SLC35A5: variants seen among roughly 807,000 people sequenced by gnomAD.
The protein encoded by SLC35A5 is solute carrier family 35 member A5, also known as UDP-sugar transporter protein SLC35A5.
SLC35A5 carries 28 observed loss-of-function variants against 36.3 expected under a neutral mutation model. The ratio of observed to expected loss-of-function variants is 0.77; its 90% CI spans 0.57 to 1.06. SLC35A5 has a LOEUF of 1.06. Among genes scored for constraint, SLC35A5 ranks in the 50% least tolerant of loss-of-function variants. The pLI, the probability that SLC35A5 is intolerant of heterozygous loss-of-function variation, is 0.00. For synonymous variants in SLC35A5, 180 were observed against 173.7 expected (o/e 1.04, Z -0.29); for missense variants, 521 against 499.3 (o/e 1.04, Z -0.41).
At position 112,563,378 on chromosome 3, in the gene SLC35A5, CTT is replaced by C; in HGVS notation, c.-19-5_-19-4del. The C allele has an allele frequency of 6.8e-7, 1 of 1,478,804 alleles. No homozygotes were observed. The allele number at this position is 1,478,804 out of a possible 1,614,324, so 91.6% of individuals were successfully genotyped here. On this transcript the variant is annotated splice_polypyrimidine_tract_variant and splice_region_variant and intron_variant, in intron 1 of 6. Coordinates refer to ENST00000492406, the MANE Select transcript of SLC35A5 (RefSeq NM_017945.5). ...AGGTCGTTCATGAAAGTGTTTTTCT[CTT>C]TAAGGTAATTAAAAAACAGTGGAAT...
Position 112,562,381 on chromosome 3 carries a change from A to T in SLC35A5, c.-20+108A>T, listed in dbSNP as rs1933956403. The T allele has an allele frequency of 1.3e-5, 2 of 152,282 alleles. 1 individual carries two copies. The highest frequency in any genetic ancestry group is 4.1e-4 in the South Asian group (2 of 4,832). 9.4% of individuals were successfully genotyped at this position (152,282 alleles called of 1,614,324 possible). On this transcript the variant is annotated intron_variant, in intron 1 of 6. Transcript: ENST00000492406. ...ACTAGAAGGGTAGTCCCTGACTGTG[A>T]AGGGAAATCTGGCCCCCTCCTGTCG...
chr3:112,569,725 G>A (rs1165399357), intron 3 of SLC35A5, among the ~76,000 whole-genome samples: 2 of 152,276 alleles, frequency 1.3e-5, no homozygotes, highest in East Asian at 3.9e-4. Context: ...CTATCACATA[G>A]GGATACTAAT....
At chr3:112,573,563 A>G (rs1559860125) in intron 4 of SLC35A5, among the ~76,000 whole-genome samples, 1 of 152,238 alleles carries the variant, frequency 6.6e-6, no homozygotes, top group Non-Finnish European at 1.5e-5. Context: ...AAAAATCCAT[A>G]AGGCGCTTTG....
intron 4 of SLC35A5, 67 bp from the exon 5 acceptor site, chr3:112,573,822 C>A: frequency 1.5e-6 from 2 of 1,352,400 alleles, no homozygotes; most frequent in South Asian, 1.2e-5. Flanking sequence ...GGTGAACTGC[C>A]AAGCTAAGAC....
intron 5 of SLC35A5, among the ~76,000 whole-genome samples, chr3:112,575,418 G>C (rs576108482): frequency 1.1e-4 from 16 of 152,148 alleles, no homozygotes; most frequent in African/African-American, 3.9e-4. Context: ...CCTATAATAA[G>C]TATTCCTTGT....
intron 5 of SLC35A5, among the ~76,000 whole-genome samples, chr3:112,579,342 T>G (rs1213399703): frequency 6.6e-6 from 1 of 152,076 alleles, no homozygotes; most frequent in Non-Finnish European, 1.5e-5. Flanking sequence ...TCCAATGATA[T>G]AAAAATTCTC....
At chr3:112,567,595 G>C (rs1290741668) in intron 2 of SLC35A5, among the ~76,000 whole-genome samples, 2 of 152,190 alleles carry the variant, frequency 1.3e-5, no homozygotes, top group African/African-American at 4.8e-5. Context: ...ATGAGCCACT[G>C]CACCCAGCTA....
At position 112,582,874 on chromosome 3, in the gene SLC35A5, A is replaced by G; in HGVS notation, c.*138A>G. On this transcript the variant is annotated 3_prime_UTR_variant, in exon 7 of 7. Transcript: ENST00000492406. Reference sequence around the variant, plus strand: ...CTTTGCATATATCTAGCTACTCCCTAAATGGTTCCATCCAAGGCTTAGAGT... The same window carrying G: ...CTTTGCATATATCTAGCTACTCCCTGAATGGTTCCATCCAAGGCTTAGAGT... 1.4e-6 allele frequency: 1 copy of G among 692,798 alleles called. No individual in the cohort carries two copies. Among genetic ancestry groups the G allele is most frequent in the Non-Finnish European group, 2.4e-6 (1 of 419,704 alleles). 42.9% of individuals were successfully genotyped at this position (692,798 alleles called of 1,614,324 possible). A position where few individuals can be genotyped will look rare whatever the true frequency, so the allele number is the denominator to read the frequency against.
At position 112,580,566 on chromosome 3, in the gene SLC35A5, A is replaced by C. The variant is rs769906065; in HGVS notation, c.449A>C (p.Gln150Pro). The change falls in exon 6 of 7, where the codon CAG becomes CCG. Residue 150 changes from glutamine (Q) to proline (P), a missense_variant. Gln to Pro is a moderately conservative substitution (Grantham distance 76). Coordinates refer to ENST00000492406, the MANE Select transcript of SLC35A5 (RefSeq NM_017945.5). Reference sequence around the variant, plus strand: ...AACAGGAGGCGTCTAAACTGGATCCAGTGGGCTTCCCTCCTGACTTTATTT... The same window carrying C: ...AACAGGAGGCGTCTAAACTGGATCCCGTGGGCTTCCCTCCTGACTTTATTT... Reference protein sequence around the residue: ...IVLKRRLNWIQWASLLTLFLS... With the variant: ...IVLKRRLNWIPWASLLTLFLS... The C allele has an allele frequency of 6.2e-7, 1 of 1,613,088 alleles. No homozygotes were observed. Among genetic ancestry groups the C allele is most frequent in the Non-Finnish European group, 8.5e-7 (1 of 1,179,486 alleles).
At chr3:112,561,788 C>T, upstream of SLC35A5, 1 of 478,306 alleles carries the variant, frequency 2.1e-6, no homozygotes, top group Non-Finnish European at 3.7e-6. Context: ...CACCCAGCCG[C>T]GAGGGAGGGC....
intron 1 of SLC35A5, 137 bp from the exon 2 acceptor site, chr3:112,563,248 T>C: frequency 1.9e-6 from 1 of 534,028 alleles, no homozygotes. Flanking sequence ...ATAGTTTCTT[T>C]ATGCCTCAAC....
At chr3:112,570,804 A>G (rs903261727) in intron 4 of SLC35A5, 134 bp downstream of exon 4, 2 of 837,352 alleles carry the variant, frequency 2.4e-6, no homozygotes, top group African/African-American at 1.8e-5. Flanking sequence ...AGATTTCCCC[A>G]GAATTATCTG....
Position 112,563,383 on chromosome 3 carries a change from A to T in SLC35A5, c.-19-2A>T. 3 of 1,484,508 alleles carry T rather than the reference A, an allele frequency of 2.0e-6. No individual in the cohort carries two copies. Among genetic ancestry groups the T allele is most frequent in the Non-Finnish European group, 2.7e-6 (3 of 1,097,390 alleles). 92.0% of individuals were successfully genotyped at this position (1,484,508 alleles called of 1,614,324 possible). ...GTTCATGAAAGTGTTTTTCTCTTTA[A>T]GGTAATTAAAAAACAGTGGAATGGA... On this transcript the variant is annotated splice_acceptor_variant, in intron 1 of 6. Transcript: ENST00000492406. LOFTEE classifies it low-confidence loss of function (5UTR_SPLICE).
intron 3 of SLC35A5, 58 bp downstream of exon 3, chr3:112,569,327 C>G (rs2107423377): frequency 7.8e-7 from 1 of 1,288,060 alleles, no homozygotes; most frequent in East Asian, 2.3e-5. Flanking sequence ...AATGTTAGAA[C>G]TGGAAGGAAC....
Position 112,580,961 on chromosome 3 carries a change from A to T in SLC35A5, c.844A>T (p.Thr282Ser). The change falls in exon 6 of 7, where the codon ACT becomes TCT. Residue 282 changes from threonine (T) to serine (S), a missense_variant. Physicochemically the swap from Thr to Ser is moderately conservative, Grantham distance 58 (BLOSUM62 1). Coordinates refer to ENST00000492406, the MANE Select transcript of SLC35A5 (RefSeq NM_017945.5). ...YFFGILFNGL[T>S]LGLQRSNRDQ... ...CTTTGGCATTCTGTTTAATGGGCTG[A>T]CTCTGGGCCTTCAGAGGAGTAACCG... The T allele has an allele frequency of 6.2e-7, 1 of 1,614,056 alleles. No individual in the cohort carries two copies. Among genetic ancestry groups the T allele is most frequent in the East Asian group, 2.2e-5 (1 of 44,880 alleles).
rs1286589904 is a variant in SLC35A5, at chr3:112,585,477, G to GA, written c.*2743dup. 1 of 152,012 alleles carries GA rather than the reference G, an allele frequency of 6.6e-6. No homozygotes were observed. Among genetic ancestry groups the GA allele is most frequent in the Non-Finnish European group, 1.5e-5 (1 of 68,004 alleles). The allele number at this position is 152,012 out of a possible 1,614,324, so 9.4% of individuals were successfully genotyped here. ...CACTGTTTGAGTGATGGGTCCACTA[G>GA]AAGCCCAAACTTCACCATTATGCAA... is the stretch of plus-strand genomic sequence containing the variant. On this transcript the variant is annotated 3_prime_UTR_variant, in exon 7 of 7. Coordinates refer to ENST00000492406, the MANE Select transcript of SLC35A5 (RefSeq NM_017945.5).
At chr3:112,581,432 G>A in intron 6 of SLC35A5, 106 bp downstream of exon 6, 1 of 1,174,298 alleles carries the variant, frequency 8.5e-7, no homozygotes, top group South Asian at 1.6e-5. Context: ...AGAATGTATT[G>A]GATCTCTGAC....
chr3:112,572,275 C>A (rs1392733545), intron 4 of SLC35A5, among the ~76,000 whole-genome samples: 2 of 151,912 alleles, frequency 1.3e-5, no homozygotes, highest in African/African-American at 4.8e-5. Context: ...TGTAACTAGG[C>A]AGGCCCAACT....
At chr3:112,581,594 A>G (rs1448756892) in intron 6 of SLC35A5, among the ~76,000 whole-genome samples, 1 of 152,198 alleles carries the variant, frequency 6.6e-6, no homozygotes, top group African/African-American at 2.4e-5. Context: ...CACCTGGAAG[A>G]TACCTCACAG....
Sources: gnomAD v4.1 joint callset for allele counts (sites outside exome capture counted in the v4.1 genomes callset) on GRCh38, gnomAD v4.1.1 for gene constraint, MANE v1.5 for transcripts, NCBI Gene and HGNC (gene_info 2026-07-23, HGNC 2026-07-21) for gene names.